Variants in ASXL2 observed in about 807,000 individuals in gnomAD.
ASXL2 encodes the protein putative Polycomb group protein ASXL2.
ASXL2 carries 23 observed loss-of-function variants against 122.0 expected under a neutral mutation model. The ratio of observed to expected loss-of-function variants is 0.19; its 90% CI spans 0.14 to 0.27. The LOEUF is 0.27. Ranked by LOEUF, ASXL2 falls within the 10% of genes least tolerant of loss-of-function variation. The pLI is 1.00. For missense variants in ASXL2, 1,518 were observed against 1,713.8 expected, an observed-to-expected ratio of 0.89 and a Z score of 2.02; for synonymous variants, 650 against 637.0, an observed-to-expected ratio of 1.02 and a Z score of -0.31.
intron 5 of ASXL2, among the ~76,000 whole-genome samples, chr2:25,774,392 C>T (rs909707439): frequency 2.6e-5 from 4 of 152,074 alleles, no homozygotes; most frequent in African/African-American, 7.2e-5. Context: ...TGATCCCAGC[C>T]GGTCACAATC....
At chr2:25,869,460 TC>T (rs2089942709) in intron 1 of ASXL2, among the ~76,000 whole-genome samples, 1 of 152,040 alleles carries the variant, frequency 6.6e-6, no homozygotes, top group Admixed American at 6.6e-5. Context: ...TAAAAGAAAG[TC>T]TGTCTTAAAG....
At chr2:25,827,813 G>A (rs1280429558) in intron 3 of ASXL2, among the ~76,000 whole-genome samples, 1 of 152,158 alleles carries the variant, frequency 6.6e-6, no homozygotes, top group African/African-American at 2.4e-5. Context: ...CAACAGAGCA[G>A]CAGATGGGCA....
chr2:25,779,383 C>T (rs907103429), intron 5 of ASXL2, among the ~76,000 whole-genome samples: 3 of 152,108 alleles, frequency 2.0e-5, no homozygotes, highest in Admixed American at 1.3e-4. Flanking sequence ...CAGACATGAG[C>T]CACCATGCCC....
chr2:25,810,262 T>C, intron 3 of ASXL2: 1 of 627,530 alleles, frequency 1.6e-6, no homozygotes, highest in South Asian at 1.4e-5. Flanking sequence ...TCTCTTTCAA[T>C]GACCACCAAC....
chr2:25,833,213 A>G (rs1297364161), intron 3 of ASXL2, among the ~76,000 whole-genome samples: 6 of 152,194 alleles, frequency 3.9e-5, no homozygotes, highest in African/African-American at 1.2e-4. Context: ...ATCAGAAACA[A>G]TATTCTCGCT....
At chr2:25,812,880 G>C (rs948047568) in intron 3 of ASXL2, among the ~76,000 whole-genome samples, 23 of 152,288 alleles carry the variant, frequency 1.5e-4, no homozygotes, top group African/African-American at 5.3e-4. Context: ...ATTTTGTTTA[G>C]TCCTCACAAC....
rs533452899 is a variant in ASXL2 at position 25,746,546 on chromosome 2, GA to G, written c.1861-2071del. Among the ~76,000 whole-genome samples, 132 of 147,186 alleles carry G rather than the reference GA, an allele frequency of 9.0e-4. 3 individuals are homozygous for G. The highest frequency in any genetic ancestry group is 8.0e-3 in the Admixed American group (119 of 14,822). On this transcript the variant is annotated intron_variant, in intron 12 of 12. Coordinates refer to ENST00000435504, the MANE Select transcript of ASXL2 (RefSeq NM_018263.6). ...GATAAAACTAAAAAAGTAAATACAA[GA>G]AAGGTGTTTAGGGGAATTTATATAG...
intron 1 of ASXL2, among the ~76,000 whole-genome samples, chr2:25,859,920 T>TC (rs1324900777): frequency 1.3e-5 from 2 of 152,034 alleles, no homozygotes; most frequent in Non-Finnish European, 2.9e-5. Flanking sequence ...GCACAGCGGC[T>TC]CACCTCTAAT....
rs1347207684 is a variant in ASXL2, at chr2:25,751,635, G to GAA, written c.1143-1224_1143-1223dup. Among the ~76,000 whole-genome samples, 1,142 of 126,730 alleles carry GAA rather than the reference G, an allele frequency of 9.0e-3. 8 individuals carry two copies. The highest frequency in any genetic ancestry group is 0.033 in the African/African-American group (1,110 of 33,322). 83.1% of individuals were successfully genotyped at this position (126,730 alleles called of 152,430 possible). A position where few individuals can be genotyped will look rare whatever the true frequency, so the allele number is the denominator to read the frequency against. On this transcript the variant is annotated intron_variant, in intron 11 of 12. Transcript: ENST00000435504. ...AGGGACAGAGTGGGACCCTGTCTTT[G>GAA]AAAAAAAAAAAAGAAAAAGAGAAAA...
At chr2:25,835,971 T>C (rs949734306) in intron 2 of ASXL2, among the ~76,000 whole-genome samples, 1 of 152,240 alleles carries the variant, frequency 6.6e-6, no homozygotes, top group Non-Finnish European at 1.5e-5. Context: ...GGAGCTCTTA[T>C]GGATCTGAAT....
chr2:25,786,240 A>ATTTTT (rs1559510977), intron 5 of ASXL2, among the ~76,000 whole-genome samples: 1 of 41,586 alleles, frequency 2.4e-5, no homozygotes, highest in African/African-American at 1.6e-4. Flanking sequence ...ACTCCACATC[A>ATTTTT]TTCTTTTTTT....
intron 1 of ASXL2, among the ~76,000 whole-genome samples, chr2:25,851,820 G>T: frequency 6.6e-6 from 1 of 152,116 alleles, no homozygotes; most frequent in Non-Finnish European, 1.5e-5. Flanking sequence ...GAGCCTGGGA[G>T]GTGGGGGTTG....
At chr2:25,789,882 G>C (rs1024805964) in intron 5 of ASXL2, among the ~76,000 whole-genome samples, 1 of 152,098 alleles carries the variant, frequency 6.6e-6, no homozygotes, top group African/African-American at 2.4e-5. Flanking sequence ...ACAGAAATCA[G>C]GACGGTGGTT....
intron 1 of ASXL2, among the ~76,000 whole-genome samples, chr2:25,864,812 A>G (rs1487669278): frequency 6.6e-6 from 1 of 152,022 alleles, no homozygotes; most frequent in Non-Finnish European, 1.5e-5. Flanking sequence ...TTACAAAAAT[A>G]AAACATATTT....
At chr2:25,763,307 T>C (rs1286889934) in intron 8 of ASXL2, among the ~76,000 whole-genome samples, 2 of 151,862 alleles carry the variant, frequency 1.3e-5, no homozygotes, top group African/African-American at 4.8e-5. Flanking sequence ...CTGACCAACA[T>C]GATGAAACCC....
intron 1 of ASXL2, among the ~76,000 whole-genome samples, chr2:25,860,778 C>G (rs184882456): frequency 4.6e-5 from 7 of 151,156 alleles, no homozygotes; most frequent in African/African-American, 1.5e-4. Context: ...TTTCGGAGGC[C>G]GAGGCTGGTG....
At chr2:25,872,800 T>C (rs981410258) in intron 1 of ASXL2, among the ~76,000 whole-genome samples, 1 of 152,170 alleles carries the variant, frequency 6.6e-6, no homozygotes, top group African/African-American at 2.4e-5. Flanking sequence ...TTAAGCAAAC[T>C]AAGTTCCACA....
chr2:25,782,524 C>G (rs961716170), intron 5 of ASXL2, among the ~76,000 whole-genome samples: 3 of 151,884 alleles, frequency 2.0e-5, no homozygotes, highest in South Asian at 4.2e-4. Context: ...CTAGCCTGGG[C>G]AACAGAGGAA....
chr2:25,852,218 C>T (rs2089724508), intron 1 of ASXL2, among the ~76,000 whole-genome samples: 1 of 152,150 alleles, frequency 6.6e-6, no homozygotes, highest in Non-Finnish European at 1.5e-5. Context: ...CTCAGAATAA[C>T]TAAAATCAAC....
Sources: gnomAD v4.1 joint callset for allele counts (sites outside exome capture counted in the v4.1 genomes callset) on GRCh38, gnomAD v4.1.1 for gene constraint, MANE v1.5 for transcripts, NCBI Gene and HGNC (gene_info 2026-07-23, HGNC 2026-07-21) for gene names.